ANAPC1: variants seen among roughly 807,000 people sequenced by gnomAD.
ANAPC1 encodes the protein anaphase promoting complex subunit 1.
Under a neutral mutation model 208.0 loss-of-function variants are expected in ANAPC1, and 36 were observed. The observed-to-expected ratio is 0.17, with a 90% confidence interval of 0.13 to 0.23. ANAPC1 has a LOEUF of 0.23. Ranked by LOEUF, ANAPC1 falls within the 10% of genes least tolerant of loss-of-function variation. The probability of loss-of-function intolerance (pLI) is 1.00; values close to 1 mark genes in which losing one functional copy is unlikely to be tolerated. For synonymous variants in ANAPC1, 378 were observed against 695.2 expected, an observed-to-expected ratio of 0.54 and a Z score of 7.18; for missense variants, 942 against 2,011.6, an observed-to-expected ratio of 0.47 and a Z score of 10.17.
chr2:111,868,877 C>T (rs533572481), intron 6 of ANAPC1, among the ~76,000 whole-genome samples: 2 of 151,986 alleles, frequency 1.3e-5, no homozygotes, highest in East Asian at 1.9e-4. Context: ...AGAGCGAAGA[C>T]GGGCTTTCTT....
At chr2:111,829,154 C>T (rs1481458091) in intron 21 of ANAPC1, among the ~76,000 whole-genome samples, 1 of 152,160 alleles carries the variant, frequency 6.6e-6, no homozygotes, top group African/African-American at 2.4e-5. Context: ...GCGGAGGTTG[C>T]AGTGAGCCGA....
chr2:111,859,552 C>T (rs1454034573), intron 10 of ANAPC1, among the ~76,000 whole-genome samples: 1 of 152,096 alleles, frequency 6.6e-6, no homozygotes, highest in African/African-American at 2.4e-5. Context: ...ATATATTCAA[C>T]TTACAAATAA....
At chr2:111,843,320 C>T (rs572620216) in intron 17 of ANAPC1, 92 bp downstream of exon 17, 136 of 1,200,806 alleles carry the variant, frequency 1.1e-4, no homozygotes, top group East Asian at 5.0e-4. Flanking sequence ...GAATATGGTA[C>T]GCCTATTATG....
rs1223576868 is a variant in ANAPC1 at position 111,815,146 on chromosome 2, GAAAAAAAAAA to G, written c.3597+214_3597+223del. On this transcript the variant is annotated intron_variant, in intron 28 of 47. Transcript: ENST00000341068. ...TAAATTCTACTCTGCCTTACTCAAG[GAAAAAAAAAA>G]AAAAAAAAAAGCAATGGGAGATCAT... Among the ~76,000 whole-genome samples the G allele has an allele frequency of 1.2e-4, 8 of 68,526 alleles. No individual in the cohort carries two copies. The South Asian group carries it at 2.7e-3, about 23-fold the overall frequency. The allele number at this position is 68,526 out of a possible 152,430, so 45.0% of individuals were successfully genotyped here. A position where few individuals can be genotyped will look rare whatever the true frequency, so the allele number is the denominator to read the frequency against.
At chr2:111,860,115 C>T (rs1448741676) in intron 10 of ANAPC1, among the ~76,000 whole-genome samples, 3 of 151,896 alleles carry the variant, frequency 2.0e-5, no homozygotes, top group African/African-American at 4.8e-5. Flanking sequence ...CTGGGCATCA[C>T]GGCAAAATCC....
At chr2:111,836,845 G>A (rs374284671) in intron 18 of ANAPC1, among the ~76,000 whole-genome samples, 1 of 151,906 alleles carries the variant, frequency 6.6e-6, no homozygotes, top group South Asian at 2.1e-4. Context: ...GCACACACCT[G>A]TAATTCTAGC....
chr2:111,771,441 C>T lies in ANAPC1; in HGVS notation c.5719+900G>A, dbSNP rs559842126. ...CTCAAGTTCTAGGCTCTTGGGCAATCACAAACCCAACCTCTGGCTCCTCAG... is the reference window on the plus strand; with the variant it reads ...CTCAAGTTCTAGGCTCTTGGGCAATTACAAACCCAACCTCTGGCTCCTCAG... On this transcript the variant is annotated intron_variant, in intron 47 of 47. Coordinates refer to ENST00000341068, the MANE Select transcript of ANAPC1 (RefSeq NM_022662.4). Among the ~76,000 whole-genome samples the T allele has an allele frequency of 4.9e-4, 75 of 152,086 alleles. No homozygotes were observed. In the East Asian group the frequency reaches 0.012, roughly 25 times the overall value.
chr2:111,785,843 T>C (rs1677517543), intron 39 of ANAPC1, among the ~76,000 whole-genome samples: 1 of 100,738 alleles, frequency 9.9e-6, no homozygotes, highest in Admixed American at 9.8e-5. Flanking sequence ...TCTTCTCAGA[T>C]TTTTTTTTTC....
chr2:111,844,091 G>T (rs893509804), intron 16 of ANAPC1, among the ~76,000 whole-genome samples: 1 of 151,738 alleles, frequency 6.6e-6, no homozygotes, highest in African/African-American at 2.4e-5. Flanking sequence ...CAAAGCACTG[G>T]GATTACAGGT....
At chr2:111,862,640 G>A (rs1358347923) in intron 9 of ANAPC1, 42 bp from the exon 10 acceptor site, 1 of 1,593,372 alleles carries the variant, frequency 6.3e-7, no homozygotes. Flanking sequence ...CAGTTAGCAA[G>A]GCAGGCTTAT....
intron 20 of ANAPC1, among the ~76,000 whole-genome samples, chr2:111,832,937 C>CCAAAAAAAAAA (rs1491515570): frequency 3.7e-5 from 2 of 53,628 alleles, no homozygotes; most frequent in Non-Finnish European, 7.0e-5. Flanking sequence ...GACTCAGTCT[C>CCAAAAAAAAAA]AAAAAAAAAA....
chr2:111,829,237 A>G (rs1046232171), intron 21 of ANAPC1, among the ~76,000 whole-genome samples: 8 of 152,150 alleles, frequency 5.3e-5, no homozygotes, highest in Non-Finnish European at 1.0e-4. Context: ...TAACAATTTC[A>G]ATGACAAATA....
rs1676567648 is a variant in ANAPC1 at position 111,768,848 on chromosome 2, TAGAC to T, written c.*439_*442del. On this transcript the variant is annotated 3_prime_UTR_variant, in exon 48 of 48. Coordinates refer to ENST00000341068, the MANE Select transcript of ANAPC1 (RefSeq NM_022662.4). The stretch of plus-strand genomic sequence containing the variant: ...TGTCACCAGAAGTACAAACTTATTT[TAGAC>T]AGGACAACTGTGACATCTGAGGAAA... The T allele has an allele frequency of 6.5e-6, 1 of 153,274 alleles. No individual in the cohort carries two copies. Among genetic ancestry groups the T allele is most frequent in the African/African-American group, 2.4e-5 (1 of 41,186 alleles). 9.5% of individuals were successfully genotyped at this position (153,274 alleles called of 1,614,324 possible).
chr2:111,767,195 G>A (rs1418715302), downstream of ANAPC1, among the ~76,000 whole-genome samples: 1 of 149,786 alleles, frequency 6.7e-6, no homozygotes, highest in African/African-American at 2.5e-5. Flanking sequence ...CCTCACCAGC[G>A]TCTGCCTCTC....
intron 13 of ANAPC1, among the ~76,000 whole-genome samples, chr2:111,853,131 G>A (rs1681501738): frequency 6.6e-6 from 1 of 152,062 alleles, no homozygotes; most frequent in African/African-American, 2.4e-5. Flanking sequence ...CTTTGTTCCT[G>A]GTCATTTTTT....
rs1409838727 is a variant in ANAPC1 at position 111,880,655 on chromosome 2, C to G, written c.171G>C (p.Leu57Phe). ...ELWSSDGAAG[L>F]VGSLQEVTIH... is the part of the protein sequence containing the mutation. ...TTGTAACCTCCTGAAGGGATCCCAC[C>G]AAGCCAGCAGCACCATCAGAAGACC... The change falls in exon 2 of 48, where the codon TTG becomes TTC. Residue 57 changes from leucine to phenylalanine, a missense_variant. Leu to Phe is a conservative substitution (Grantham distance 22). Transcript: ENST00000341068. 6.2e-7 allele frequency: 1 copy of G among 1,613,004 alleles called. No homozygotes were observed. Among genetic ancestry groups the G allele is most frequent in the Non-Finnish European group, 8.5e-7 (1 of 1,179,846 alleles).
rs1343118944 is a variant in ANAPC1, at chr2:111,815,094, G to A, written c.3597+276C>T. 3.6e-5 allele frequency among the ~76,000 whole-genome samples: 5 copies of A among 137,454 alleles called. No homozygotes were observed. In the East Asian group the frequency reaches 8.5e-4, roughly 23 times the overall value. 90.2% of individuals were successfully genotyped at this position (137,454 alleles called of 152,430 possible). On this transcript the variant is annotated intron_variant, in intron 28 of 47. Transcript: ENST00000341068. ...GCAACCCACCTTCGGGTCCCCTCTC[G>A]CTGTTGAGAGCTTTCTTGTCACTCA...
intron 20 of ANAPC1, 124 bp downstream of exon 20, chr2:111,833,096 G>A (rs1021818185): frequency 1.3e-5 from 17 of 1,345,296 alleles, no homozygotes; most frequent in African/African-American, 2.9e-5. Flanking sequence ...TCTGCCTGGT[G>A]GAAAGGCACT....
chr2:111,855,613 A>C (rs1209753905), intron 13 of ANAPC1, among the ~76,000 whole-genome samples: 1 of 152,206 alleles, frequency 6.6e-6, no homozygotes, highest in Non-Finnish European at 1.5e-5. Context: ...AGGCGAGTAC[A>C]TGGTATCTTT....
Sources: gnomAD v4.1 joint callset for allele counts (sites outside exome capture counted in the v4.1 genomes callset) on GRCh38, gnomAD v4.1.1 for gene constraint, MANE v1.5 for transcripts, NCBI Gene and HGNC (gene_info 2026-07-23, HGNC 2026-07-21) for gene names.